PLCG2: variants seen among roughly 807,000 people sequenced by gnomAD.
The protein encoded by PLCG2 is phospholipase C gamma 2.
PLCG2 carries 69 observed loss-of-function variants against 175.6 expected under a neutral mutation model. The observed-to-expected ratio is 0.39, with a 90% CI of 0.32 to 0.48. PLCG2 has a LOEUF of 0.48. Ranked by LOEUF, PLCG2 falls within the 20% of genes least tolerant of loss-of-function variation. The probability of loss-of-function intolerance (pLI) is 0.91; values close to 1 mark genes in which losing one functional copy is unlikely to be tolerated. For missense variants in PLCG2, 1,798 were observed against 1,650.9 expected (o/e 1.09, Z -1.54); for synonymous variants, 827 against 624.0 (o/e 1.33, Z -4.85).
At chr16:81,952,226 T>C (rs895075042) in intron 31 of PLCG2, among the ~76,000 whole-genome samples, 1 of 152,130 alleles carries the variant, frequency 6.6e-6, no homozygotes, top group Non-Finnish European at 1.5e-5. Context: ...TGGATTGGAA[T>C]TGGAGGTATC....
chr16:81,841,181 C>T lies in PLCG2; in HGVS notation c.194-13263C>T, dbSNP rs117832870. 3.1e-3 allele frequency among the ~76,000 whole-genome samples: 479 copies of T among 152,164 alleles called. 1 individual carries two copies. Among genetic ancestry groups the T allele is most frequent in the Non-Finnish European group, 4.5e-3 (309 of 68,002 alleles). The stretch of plus-strand genomic sequence containing the variant: ...AAGAAGATAAGGGCAGGCCCACCCC[C>T]TATCTGCAGGCCAAAAAGTAAACTT... On this transcript the variant is annotated intron_variant, in intron 2 of 32. Transcript: ENST00000564138.
At chr16:81,828,420 A>G (rs186021139) in intron 2 of PLCG2, among the ~76,000 whole-genome samples, 2 of 151,702 alleles carry the variant, frequency 1.3e-5, no homozygotes, top group East Asian at 2.0e-4. Flanking sequence ...TTGTATTTTT[A>G]GTAGAGACTG....
At chr16:81,753,422 A>ATT (rs753282815) in intron 1 of PLCG2, among the ~76,000 whole-genome samples, 4 of 118,092 alleles carry the variant, frequency 3.4e-5, no homozygotes, top group Admixed American at 9.2e-5. Flanking sequence ...ATTTAATTTA[A>ATT]TTTTTTTTTT....
chr16:81,782,111 C>A (rs11649448), intron 1 of PLCG2, among the ~76,000 whole-genome samples: 33,966 of 151,896 alleles, frequency 0.22, 4,618 homozygotes, highest in South Asian at 0.34. Flanking sequence ...CTCCTGACCT[C>A]ATGATCCGCC....
intron 2 of PLCG2, among the ~76,000 whole-genome samples, chr16:81,766,545 C>T (rs1206675571): frequency 2.0e-5 from 3 of 152,114 alleles, no homozygotes; most frequent in Non-Finnish European, 1.5e-5. Flanking sequence ...GCCTTTGTGA[C>T]CACCACACAA....
chr16:81,769,783 G>A (rs1358959109), intron 2 of PLCG2, among the ~76,000 whole-genome samples: 3 of 127,194 alleles, frequency 2.4e-5, no homozygotes, highest in South Asian at 2.5e-4. Context: ...TCCCGCCACT[G>A]CACTCCAGCC....
At chr16:81,938,748 G>A in intron 28 of PLCG2, 53 bp from the exon 29 acceptor site, 3 of 1,064,314 alleles carry the variant, frequency 2.8e-6, no homozygotes, top group South Asian at 2.6e-5. Flanking sequence ...TCCACGCTAG[G>A]CTGCCTGTTC....
At position 81,805,772 on chromosome 16, in the gene PLCG2, T is replaced by TG. The variant is rs1270102728; in HGVS notation, c.193+19590_193+19591insG. ...TGAGAGTAGTGTTTTGTTTTGTTTT[T>TG]TTTTTTTTTTGTTTTTTTTTTTTTT... On this transcript the variant is annotated intron_variant, in intron 2 of 32. Coordinates refer to ENST00000564138, the MANE Select transcript of PLCG2 (RefSeq NM_002661.5). Among the ~76,000 whole-genome samples, 58 of 60,748 alleles carry TG rather than the reference T, an allele frequency of 9.5e-4. 2 individuals carry two copies. The highest frequency in any genetic ancestry group is 3.1e-3 in the African/African-American group (53 of 16,836). 39.9% of individuals were successfully genotyped at this position (60,748 alleles called of 152,430 possible).
intron 26 of PLCG2, among the ~76,000 whole-genome samples, chr16:81,935,005 T>TGAGA (rs980388994): frequency 1.3e-5 from 2 of 152,122 alleles, no homozygotes; most frequent in Non-Finnish European, 2.9e-5. Flanking sequence ...CAATTCAAGG[T>TGAGA]GAGATTTGGG....
chr16:81,819,482 T>C (rs1037485259), intron 2 of PLCG2, among the ~76,000 whole-genome samples: 4 of 152,208 alleles, frequency 2.6e-5, no homozygotes, highest in African/African-American at 7.2e-5. Flanking sequence ...GTGGACCTCC[T>C]GGCTCCTCGC....
chr16:81,771,222 C>G (rs1371397750), intron 2 of PLCG2, among the ~76,000 whole-genome samples: 1 of 152,154 alleles, frequency 6.6e-6, no homozygotes, highest in Non-Finnish European at 1.5e-5. Flanking sequence ...GTGAGATTCT[C>G]TATTCTGACT....
chr16:81,772,855 C>T (rs908632405), intron 2 of PLCG2, among the ~76,000 whole-genome samples: 10 of 152,124 alleles, frequency 6.6e-5, no homozygotes, highest in African/African-American at 2.4e-4. Flanking sequence ...GCTTGGCTTG[C>T]TGGTCTGTGG....
intron 1 of PLCG2, among the ~76,000 whole-genome samples, chr16:81,750,971 CTTTTT>C (rs34518159): frequency 2.4e-5 from 1 of 41,736 alleles, no homozygotes; most frequent in Admixed American, 3.7e-4. Context: ...CCGCACCCAG[CTTTTT>C]TTTTTTTTTT....
intron 2 of PLCG2, among the ~76,000 whole-genome samples, chr16:81,850,758 G>T (rs1045419698): frequency 3.3e-5 from 5 of 152,146 alleles, no homozygotes; most frequent in African/African-American, 1.2e-4. Context: ...TTCTTCCTGT[G>T]TTGCATATCT....
chr16:81,846,559 T>C (rs746302508), intron 2 of PLCG2, among the ~76,000 whole-genome samples: 31 of 152,238 alleles, frequency 2.0e-4, no homozygotes, highest in Non-Finnish European at 4.0e-4. Flanking sequence ...ATGAGGCTAC[T>C]GTATCTGTAA....
rs142006523 is a variant in PLCG2 at position 81,888,886 on chromosome 16, C to T, written c.766-286C>T. Among the ~76,000 whole-genome samples the T allele has an allele frequency of 2.2e-3, 334 of 152,300 alleles. 2 individuals carry two copies. The highest frequency in any genetic ancestry group is 7.5e-3 in the African/African-American group (312 of 41,590). ...CCATGCCCATTTGCCTACGGATCATCTGTGGCTGCTTTTGCAACACAACAG... is the reference window on the plus strand; with the variant it reads ...CCATGCCCATTTGCCTACGGATCATTTGTGGCTGCTTTTGCAACACAACAG... On this transcript the variant is annotated intron_variant, in intron 9 of 32. Transcript: ENST00000564138.
At chr16:81,911,948 C>T (rs1218051688) in intron 18 of PLCG2, among the ~76,000 whole-genome samples, 5 of 152,020 alleles carry the variant, frequency 3.3e-5, no homozygotes, top group Non-Finnish European at 7.4e-5. Context: ...CAGGCGCCTG[C>T]CACCATGCCT....
At chr16:81,873,606 C>G (rs1401870535) in intron 7 of PLCG2, among the ~76,000 whole-genome samples, 1 of 151,356 alleles carries the variant, frequency 6.6e-6, no homozygotes, top group Non-Finnish European at 1.5e-5. Context: ...GCTGTGTTGT[C>G]AGACAGATGT....
At chr16:81,922,193 C>A (rs1022086246) in intron 21 of PLCG2, among the ~76,000 whole-genome samples, 2 of 152,166 alleles carry the variant, frequency 1.3e-5, no homozygotes, top group Non-Finnish European at 2.9e-5. Context: ...GCTGCAGATC[C>A]CTGTGGCAGA....
Sources: allele counts gnomAD v4.1 joint callset (sites outside exome capture counted in the v4.1 genomes callset), GRCh38; gene constraint gnomAD v4.1.1; transcripts MANE v1.5; gene names NCBI Gene and HGNC (gene_info 2026-07-23, HGNC 2026-07-21).